DLC1: variants seen among roughly 807,000 people sequenced by gnomAD.
The protein encoded by DLC1 is rho GTPase-activating protein 7.
DLC1 carries 54 observed loss-of-function variants against 140.3 expected under a neutral mutation model. The ratio of observed to expected loss-of-function variants is 0.38; its 90% CI spans 0.31 to 0.48. The LOEUF is 0.48. Ranked by LOEUF, DLC1 falls within the 20% of genes least tolerant of loss-of-function variation. The probability of loss-of-function intolerance (pLI) is 0.96; values close to 1 mark genes in which losing one functional copy is unlikely to be tolerated. For missense variants in DLC1, 2,536 were observed against 1,907.0 expected (o/e 1.33, Z -6.14); for synonymous variants, 986 against 728.1 (o/e 1.35, Z -5.70).
intron 5 of DLC1, among the ~76,000 whole-genome samples, chr8:13,191,960 T>TTATTA (rs1428123959): frequency 1.0e-5 from 1 of 99,116 alleles, no homozygotes; most frequent in African/African-American, 4.4e-5. Flanking sequence ...TATTATTATT[T>TTATTA]TTATGGAGTC....
intron 4 of DLC1, among the ~76,000 whole-genome samples, chr8:13,366,198 C>A (rs916937424): frequency 3.9e-5 from 6 of 152,206 alleles, no homozygotes; most frequent in African/African-American, 1.4e-4. Flanking sequence ...GAGCCCAGGG[C>A]TGAAGGGGCA....
intron 2 of DLC1, among the ~76,000 whole-genome samples, chr8:13,439,180 TG>T (rs1412433114): frequency 1.3e-5 from 2 of 152,082 alleles, no homozygotes; most frequent in African/African-American, 4.8e-5. Flanking sequence ...AAAAATTAGT[TG>T]GGCGTGGTGG....
In DLC1 at chr8:13,159,465, A is replaced by G. The variant is rs559659216; in HGVS notation, c.1349-43808T>C. On this transcript the variant is annotated intron_variant, in intron 5 of 17. Transcript: ENST00000276297. ...TTCAGGTTTTTCCAAGGGTGGAGAGAGGACTTAGTGGGCTCTCCGGGCTCT... is the reference window on the plus strand; with the variant it reads ...TTCAGGTTTTTCCAAGGGTGGAGAGGGGACTTAGTGGGCTCTCCGGGCTCT... 9.5e-4 allele frequency among the ~76,000 whole-genome samples: 145 copies of G among 152,236 alleles called. 1 individual carries two copies. In the Middle Eastern group the frequency reaches 0.014, roughly 14 times the overall value.
chr8:13,350,717 A>C (rs1031928156), intron 4 of DLC1, among the ~76,000 whole-genome samples: 2 of 138,598 alleles, frequency 1.4e-5, no homozygotes, highest in Admixed American at 9.1e-5. Context: ...CTCGATCTTA[A>C]AAAATAAATA....
At chr8:13,191,760 T>A (rs910269769) in intron 5 of DLC1, among the ~76,000 whole-genome samples, 3 of 152,136 alleles carry the variant, frequency 2.0e-5, no homozygotes, top group African/African-American at 4.8e-5. Flanking sequence ...CCAGGCTGTG[T>A]GTGACTGTGG....
intron 5 of DLC1, among the ~76,000 whole-genome samples, chr8:13,167,689 T>A (rs1218251813): frequency 6.6e-6 from 1 of 152,222 alleles, no homozygotes; most frequent in Admixed American, 6.5e-5. Flanking sequence ...GAATTTCTAA[T>A]AACAATTCTC....
chr8:13,186,672 C>A (rs1004047470), intron 5 of DLC1, among the ~76,000 whole-genome samples: 1 of 152,210 alleles, frequency 6.6e-6, no homozygotes, highest in Non-Finnish European at 1.5e-5. Context: ...AAGTCATTCT[C>A]CATCCAGCTT....
At chr8:13,260,373 C>T (rs542044023) in intron 5 of DLC1, among the ~76,000 whole-genome samples, 13 of 152,210 alleles carry the variant, frequency 8.5e-5, no homozygotes, top group South Asian at 4.1e-4. Flanking sequence ...GAAAGGCAGA[C>T]GCAGAGACAC....
upstream of DLC1, among the ~76,000 whole-genome samples, chr8:13,517,221 G>T (rs956149604): frequency 6.6e-6 from 1 of 152,030 alleles, no homozygotes; most frequent in Non-Finnish European, 1.5e-5. Context: ...ATATACAGTG[G>T]TTACTCAATA....
intron 2 of DLC1, among the ~76,000 whole-genome samples, chr8:13,422,328 A>G (rs994353874): frequency 3.3e-5 from 5 of 151,972 alleles, no homozygotes; most frequent in Admixed American, 1.3e-4. Context: ...AAATTATATT[A>G]TTTTCGTATG....
intron 5 of DLC1, among the ~76,000 whole-genome samples, chr8:13,155,949 T>G (rs1824217829): frequency 6.6e-6 from 1 of 152,214 alleles, no homozygotes; most frequent in South Asian, 2.1e-4. Flanking sequence ...TCATTTTTCA[T>G]TCTGAGTCTT....
At chr8:13,254,183 TAA>T (rs374779389) in intron 5 of DLC1, among the ~76,000 whole-genome samples, 1,711 of 141,310 alleles carry the variant, frequency 0.012, 12 homozygotes, top group South Asian at 0.04. Context: ...TAAATAAAAT[TAA>T]AAAAAAAAAG....
chr8:13,164,618 T>C (rs1181948989), intron 5 of DLC1, among the ~76,000 whole-genome samples: 1 of 152,202 alleles, frequency 6.6e-6, no homozygotes, highest in African/African-American at 2.4e-5. Flanking sequence ...GGATGTGGTG[T>C]GTGAATTGGT....
intron 4 of DLC1, among the ~76,000 whole-genome samples, chr8:13,354,728 T>C (rs1445109971): frequency 6.6e-6 from 1 of 150,640 alleles, no homozygotes; most frequent in Non-Finnish European, 1.5e-5. Flanking sequence ...GTGGATTGCT[T>C]GAGCACAGGA....
intron 1 of DLC1, chr8:13,567,738 A>C: frequency 1.3e-6 from 2 of 1,552,118 alleles, no homozygotes; most frequent in Non-Finnish European, 1.7e-6. Flanking sequence ...AAGCACATCA[A>C]GACTTTCCCA....
chr8:13,472,479 A>T (rs1800252620), intron 2 of DLC1, among the ~76,000 whole-genome samples: 1 of 152,228 alleles, frequency 6.6e-6, no homozygotes, highest in Admixed American at 6.5e-5. Context: ...TTCATTCCAT[A>T]TCTTGGACAA....
intron 5 of DLC1, among the ~76,000 whole-genome samples, chr8:13,205,718 G>C (rs540690826): frequency 6.6e-6 from 1 of 152,142 alleles, no homozygotes; most frequent in Non-Finnish European, 1.5e-5. Context: ...CACAGGCCGT[G>C]GGTTGGACAA....
At chr8:13,437,537 G>A (rs560695752) in intron 2 of DLC1, among the ~76,000 whole-genome samples, 1 of 152,296 alleles carries the variant, frequency 6.6e-6, no homozygotes, top group South Asian at 2.1e-4. Flanking sequence ...CTATGTTTAT[G>A]TCTTTCAACA....
chr8:13,598,101 T>C (rs1342842422), intron 1 of DLC1, among the ~76,000 whole-genome samples: 1 of 152,160 alleles, frequency 6.6e-6, no homozygotes, highest in East Asian at 1.9e-4. Context: ...GAGAAGTTTA[T>C]TTTCTAGAGA....
Sources: gnomAD v4.1 joint callset for allele counts (sites outside exome capture counted in the v4.1 genomes callset) on GRCh38, gnomAD v4.1.1 for gene constraint, MANE v1.5 for transcripts, NCBI Gene and HGNC (gene_info 2026-07-23, HGNC 2026-07-21) for gene names.